Variants in KHDC1 observed in about 807,000 individuals in gnomAD.
KHDC1 encodes the protein KH domain containing 1.
A neutral mutation model predicts 24.7 loss-of-function variants in KHDC1; 21 were observed. That is an observed-to-expected ratio of 0.85 (90% CI 0.60 to 1.23). The LOEUF (loss-of-function observed/expected upper bound fraction) is 1.23. Ranked by LOEUF, KHDC1 falls within the 50% of genes most tolerant of loss-of-function variation. The pLI, the probability that KHDC1 is intolerant of heterozygous loss-of-function variation, is 0.00. For synonymous variants in KHDC1, 98 were observed against 111.7 expected, an observed-to-expected ratio of 0.88 and a Z score of 0.77; for missense variants, 274 against 298.5, an observed-to-expected ratio of 0.92 and a Z score of 0.61.
chr6:73,285,469 T>C (rs1300021204), intron 2 of KHDC1, among the ~76,000 whole-genome samples: 1 of 151,944 alleles, frequency 6.6e-6, no homozygotes, highest in East Asian at 1.9e-4. Context: ...GTAGCTGAGA[T>C]TACAGGCACC....
chr6:73,286,045 A>G (rs893602137), intron 2 of KHDC1, among the ~76,000 whole-genome samples: 4 of 152,168 alleles, frequency 2.6e-5, no homozygotes. Context: ...AAACTTATCT[A>G]TCCACATGAT....
intron 2 of KHDC1, among the ~76,000 whole-genome samples, chr6:73,261,544 C>A (rs1422907940): frequency 2.0e-5 from 3 of 151,358 alleles, no homozygotes; most frequent in Non-Finnish European, 4.4e-5. Flanking sequence ...TCGAGGCGGG[C>A]GGACCCCTTG....
At chr6:73,262,739 A>G in intron 2 of KHDC1, 35 bp downstream of exon 1, 1 of 985,388 alleles carries the variant, frequency 1.0e-6, no homozygotes, top group Non-Finnish European at 1.2e-6. Flanking sequence ...GGATGAACTT[A>G]GTAAGAAATG....
intron 2 of KHDC1, among the ~76,000 whole-genome samples, chr6:73,267,005 T>C (rs1400591156): frequency 6.6e-6 from 1 of 151,982 alleles, no homozygotes; most frequent in Non-Finnish European, 1.5e-5. Flanking sequence ...GTGGGCAACA[T>C]TGCAAGGCCC....
At chr6:73,295,318 T>A (rs565066602) in intron 1 of KHDC1, among the ~76,000 whole-genome samples, 2 of 152,272 alleles carry the variant, frequency 1.3e-5, no homozygotes, top group South Asian at 4.2e-4. Context: ...TTCCTGTACA[T>A]CCTGCAGACT....
intron 2 of KHDC1, among the ~76,000 whole-genome samples, chr6:73,244,705 G>A (rs1163992831): frequency 7.2e-6 from 1 of 139,344 alleles, no homozygotes; most frequent in East Asian, 2.5e-4. Context: ...GGGGGGGCGG[G>A]GGGGGGCTCC....
chr6:73,256,461 G>T (rs1388847489), intron 2 of KHDC1, among the ~76,000 whole-genome samples: 1 of 152,190 alleles, frequency 6.6e-6, no homozygotes, highest in Non-Finnish European at 1.5e-5. Flanking sequence ...CTCGCTCCAG[G>T]TTTAGACATA....
intron 4 of KHDC1, 90 bp from the exon 4 acceptor site, chr6:73,241,818 G>A: frequency 7.1e-7 from 1 of 1,410,120 alleles, no homozygotes; most frequent in Non-Finnish European, 9.8e-7. Context: ...GCTGCAGGGA[G>A]GATGTCACCC....
chr6:73,288,058 C>A (rs2168113), intron 2 of KHDC1, among the ~76,000 whole-genome samples: 6 of 152,030 alleles, frequency 3.9e-5, no homozygotes, highest in African/African-American at 1.5e-4. Flanking sequence ...CAGAAGCTAG[C>A]GGCACCCTTA....
At chr6:73,298,756 G>A (rs1767810157) in intron 1 of KHDC1, among the ~76,000 whole-genome samples, 2 of 151,446 alleles carry the variant, frequency 1.3e-5, no homozygotes, top group African/African-American at 4.9e-5. Context: ...GATGTTATTA[G>A]AGACAGGATT....
At chr6:73,288,980 C>T (rs1377978941) in intron 2 of KHDC1, among the ~76,000 whole-genome samples, 1 of 152,108 alleles carries the variant, frequency 6.6e-6, no homozygotes, top group Non-Finnish European at 1.5e-5. Context: ...CAGAGACACA[C>T]TCAGTACAAA....
intron 2 of KHDC1, chr6:73,291,037 AG>A (rs1355033042): frequency 2.5e-6 from 1 of 398,232 alleles, no homozygotes; most frequent in African/African-American, 2.1e-5. Flanking sequence ...AAGGAAGAGT[AG>A]GCTGCAGCTG....
chr6:73,274,205 A>G (rs1349669056), intron 2 of KHDC1: 2 of 152,250 alleles, frequency 1.3e-5, no homozygotes, highest in African/African-American at 4.8e-5. Context: ...TTAATGAAAA[A>G]TAACTATTTG....
chr6:73,284,514 ACT>A (rs1306421233), intron 2 of KHDC1: 1 of 151,064 alleles, frequency 6.6e-6, no homozygotes, highest in African/African-American at 2.4e-5. Context: ...ATCTATAAAA[ACT>A]CTGGCCTCTG....
At chr6:73,254,484 A>G (rs979958850) in intron 2 of KHDC1, among the ~76,000 whole-genome samples, 1 of 144,372 alleles carries the variant, frequency 6.9e-6, no homozygotes, top group Non-Finnish European at 1.5e-5. Context: ...ATAAATAAAT[A>G]AATAAATAAA....
intron 2 of KHDC1, among the ~76,000 whole-genome samples, chr6:73,279,180 G>A (rs893451774): frequency 6.6e-6 from 1 of 152,190 alleles, no homozygotes; most frequent in Non-Finnish European, 1.5e-5. Context: ...GCCAAGGCTC[G>A]CAGATCACTT....
chr6:73,303,475 C>T (rs989788982), intron 1 of KHDC1, among the ~76,000 whole-genome samples: 3 of 152,144 alleles, frequency 2.0e-5, no homozygotes, highest in Non-Finnish European at 4.4e-5. Context: ...ATCTCCTCCA[C>T]AATATTTAGT....
chr6:73,286,076 G>A (rs530762842), intron 2 of KHDC1, among the ~76,000 whole-genome samples: 32 of 152,254 alleles, frequency 2.1e-4, no homozygotes, highest in African/African-American at 6.0e-4. Context: ...TGTCAACTCC[G>A]CAAGGCAAGA....
chr6:73,270,079 A>C lies in KHDC1; in HGVS notation c.206+21919T>G, dbSNP rs372899249. 1.7e-4 allele frequency: 26 copies of C among 152,318 alleles called. No individual in the cohort carries two copies. The East Asian group carries it at 1.9e-3, about 11-fold the overall frequency. The allele number at this position is 152,318 out of a possible 1,614,324, so 9.4% of individuals were successfully genotyped here. A position where few individuals can be genotyped will look rare whatever the true frequency, so the allele number is the denominator to read the frequency against. ...GTGTGACCTATTGCACCTGGCCTCA[A>C]ATGGGTTTTTAATAGGTTATAACCT... is the stretch of plus-strand genomic sequence containing the variant. On this transcript the variant is annotated intron_variant, in intron 2 of 4. Coordinates refer to ENST00000370384, the Ensembl canonical transcript of KHDC1.
Sources: allele counts gnomAD v4.1 joint callset (sites outside exome capture counted in the v4.1 genomes callset), GRCh38; gene constraint gnomAD v4.1.1; transcripts MANE v1.5; gene names NCBI Gene and HGNC (gene_info 2026-07-23, HGNC 2026-07-21).